GPAM: variants seen among roughly 807,000 people sequenced by gnomAD.
The protein encoded by GPAM is glycerol-3-phosphate acyltransferase, mitochondrial, also known as glycerol-3-phosphate acyltransferase 1, mitochondrial.
Under a neutral mutation model 105.0 loss-of-function variants are expected in GPAM, and 56 were observed. That is an observed-to-expected ratio of 0.53 (90% CI 0.43 to 0.67). The LOEUF (loss-of-function observed/expected upper bound fraction) is 0.67. Among genes scored for constraint, GPAM ranks in the 30% least tolerant of loss-of-function variants. The pLI is 0.00. For synonymous variants in GPAM, 368 were observed against 354.4 expected (o/e 1.04, Z -0.43); for missense variants, 855 against 989.8 (o/e 0.86, Z 1.83).
intron 1 of GPAM, among the ~76,000 whole-genome samples, chr10:112,198,664 A>G (rs1792175968): frequency 6.6e-6 from 1 of 152,226 alleles, no homozygotes; most frequent in South Asian, 2.1e-4. Flanking sequence ...CAGCAAGCCC[A>G]CTTCTGGATG....
At chr10:112,204,906 A>T (rs1564690958) in intron 1 of GPAM, among the ~76,000 whole-genome samples, 1 of 108,430 alleles carries the variant, frequency 9.2e-6, no homozygotes, top group Admixed American at 1.0e-4. Flanking sequence ...ATGATTGTTT[A>T]TCTAGAAAAC....
intron 7 of GPAM, 106 bp from the exon 8 acceptor site, chr10:112,173,172 A>G (rs1216481399): frequency 2.7e-6 from 2 of 732,792 alleles, no homozygotes; most frequent in Non-Finnish European, 5.0e-6. Flanking sequence ...TGGACCTACA[A>G]CCTCAAAGTA....
At chr10:112,188,766 A>T (rs1489642911) in intron 1 of GPAM, among the ~76,000 whole-genome samples, 1 of 152,200 alleles carries the variant, frequency 6.6e-6, no homozygotes, top group Non-Finnish European at 1.5e-5. Flanking sequence ...GCTACATTTT[A>T]ACATGGCTCA....
At position 112,166,529 on chromosome 10, in the gene GPAM, GT is replaced by G. The variant is rs1847220313; in HGVS notation, c.1108-15del. The G allele has an allele frequency of 7.2e-7, 1 of 1,384,554 alleles. No individual in the cohort carries two copies. Among genetic ancestry groups the G allele is most frequent in the Non-Finnish European group, 1.0e-6 (1 of 970,588 alleles). The allele number at this position is 1,384,554 out of a possible 1,614,324, so 85.8% of individuals were successfully genotyped here. On this transcript the variant is annotated splice_polypyrimidine_tract_variant and intron_variant, in intron 11 of 21. Coordinates refer to ENST00000348367, the MANE Select transcript of GPAM (RefSeq NM_001244949.2). ...CTTAGGTTTGCCCTAAATTCCAATA[GT>G]GAGAATAACATGGTGAGAAATAAAG...
At chr10:112,165,761 A>T (rs1357420541) in intron 12 of GPAM, among the ~76,000 whole-genome samples, 1 of 152,238 alleles carries the variant, frequency 6.6e-6, no homozygotes, top group South Asian at 2.1e-4. Context: ...ATTTTGAAAC[A>T]TAAGATATAA....
intron 1 of GPAM, among the ~76,000 whole-genome samples, chr10:112,210,958 G>T (rs1027280419): frequency 6.6e-6 from 1 of 152,238 alleles, no homozygotes; most frequent in Admixed American, 6.5e-5. Flanking sequence ...CAGCGTTCCT[G>T]TTCTCAGAAT....
At chr10:112,200,160 T>C (rs960143508) in intron 1 of GPAM, among the ~76,000 whole-genome samples, 1 of 91,198 alleles carries the variant, frequency 1.1e-5, no homozygotes, top group African/African-American at 4.1e-5. Flanking sequence ...TTACACATTG[T>C]AAAGGAAATA....
intron 12 of GPAM, 50 bp downstream of exon 12, chr10:112,166,352 C>T (rs758297236): frequency 1.0e-6 from 1 of 991,756 alleles, no homozygotes; most frequent in South Asian, 1.3e-5. Context: ...CTGGAGCCTC[C>T]TGACTCCAGG....
intron 15 of GPAM, 107 bp downstream of exon 15, chr10:112,161,560 T>C: frequency 3.7e-6 from 3 of 816,678 alleles, no homozygotes; most frequent in Non-Finnish European, 4.2e-6. Flanking sequence ...GTTTACCTCA[T>C]AGTACTAGCC....
At chr10:112,167,357 T>C (rs1847236176) in intron 11 of GPAM, among the ~76,000 whole-genome samples, 1 of 152,204 alleles carries the variant, frequency 6.6e-6, no homozygotes, top group Non-Finnish European at 1.5e-5. Flanking sequence ...TGGCAGTACC[T>C]ACTAAAGCTG....
At chr10:112,172,422 G>A in intron 8 of GPAM, 104 bp from the exon 9 acceptor site, 1 of 821,834 alleles carries the variant, frequency 1.2e-6, no homozygotes, top group Non-Finnish European at 2.1e-6. Context: ...GCTAATCAGT[G>A]ACTCACTCTT....
chr10:112,177,333 T>C (rs1218754687), intron 5 of GPAM, among the ~76,000 whole-genome samples: 1 of 152,232 alleles, frequency 6.6e-6, no homozygotes, highest in African/African-American at 2.4e-5. Context: ...GCCTGCCTAC[T>C]CCAGGTATCT....
intron 1 of GPAM, among the ~76,000 whole-genome samples, chr10:112,211,131 A>G (rs1374903567): frequency 3.9e-5 from 6 of 152,122 alleles, no homozygotes; most frequent in Admixed American, 3.9e-4. Flanking sequence ...AGGGGAGTGA[A>G]TACTGGGATC....
intron 21 of GPAM, 60 bp from the exon 22 acceptor site, chr10:112,153,726 T>A: frequency 6.3e-7 from 1 of 1,576,550 alleles, no homozygotes; most frequent in South Asian, 1.1e-5. Flanking sequence ...AAAATTTCCA[T>A]TACCAACCTG....
chr10:112,175,779 C>G lies in GPAM; in HGVS notation c.300-66G>C, dbSNP rs933811379. 2.0e-5 allele frequency: 20 copies of G among 993,456 alleles called. No homozygotes were observed. In the African/African-American group the frequency reaches 3.2e-4, roughly 16 times the overall value. 61.5% of individuals were successfully genotyped at this position (993,456 alleles called of 1,614,324 possible). On this transcript the variant is annotated intron_variant, in intron 5 of 21. Coordinates refer to ENST00000348367, the MANE Select transcript of GPAM (RefSeq NM_001244949.2). ...TAAAACAAGTTGCTTAAATCATAAA[C>G]TAATTTTCCGCCCATAAAAACAAAG...
intron 1 of GPAM, among the ~76,000 whole-genome samples, chr10:112,192,046 T>A (rs1331709198): frequency 1.3e-5 from 2 of 152,166 alleles, no homozygotes; most frequent in Admixed American, 6.5e-5. Context: ...GGGACCAGCC[T>A]GAGCCGACCC....
intron 1 of GPAM, among the ~76,000 whole-genome samples, chr10:112,212,514 C>T (rs1393395602): frequency 2.6e-5 from 4 of 152,176 alleles, no homozygotes; most frequent in African/African-American, 4.8e-5. Flanking sequence ...CCGCCCGCAT[C>T]GACCTCCCAA....
intron 5 of GPAM, 132 bp downstream of exon 5, chr10:112,177,852 C>T: frequency 1.6e-6 from 1 of 622,370 alleles, no homozygotes; most frequent in Non-Finnish European, 2.9e-6. Flanking sequence ...TTCAGATAAT[C>T]TCTCTTGTGT....
the GPAM span, among the ~76,000 whole-genome samples, chr10:112,226,587 C>T: frequency 7.2e-5 from 11 of 152,114 alleles, no homozygotes; most frequent in Non-Finnish European, 1.2e-4. Context: ...AGGGGGCCAA[C>T]ACTAGTATGG....
Sources: gnomAD v4.1 joint callset for allele counts (sites outside exome capture counted in the v4.1 genomes callset) on GRCh38, gnomAD v4.1.1 for gene constraint, MANE v1.5 for transcripts, NCBI Gene and HGNC (gene_info 2026-07-23, HGNC 2026-07-21) for gene names.